The following DENND2C variants were observed in gnomAD, a reference collection of about 807,000 sequenced individuals.
DENND2C encodes DENN domain containing 2C.
Under a neutral mutation model 112.4 loss-of-function variants are expected in DENND2C, and 72 were observed. That is an observed-to-expected ratio of 0.64 (90% CI 0.53 to 0.78). DENND2C has a LOEUF of 0.78. Among genes scored for constraint, DENND2C ranks in the 30% least tolerant of loss-of-function variants. DENND2C has a pLI of 0.00. For synonymous variants in DENND2C, 329 were observed against 381.6 expected (o/e 0.86, Z 1.61); for missense variants, 992 against 1,113.8 (o/e 0.89, Z 1.56).
rs760572118 is a variant in DENND2C at position 114,594,627 on chromosome 1, G to A, written c.2326-49C>T. 28 of 1,473,840 alleles carry A rather than the reference G, an allele frequency of 1.9e-5. No individual in the cohort carries two copies. In the African/African-American group the frequency reaches 3.3e-4, roughly 18 times the overall value. The allele number at this position is 1,473,840 out of a possible 1,614,324, so 91.3% of individuals were successfully genotyped here. A position where few individuals can be genotyped will look rare whatever the true frequency, so the allele number is the denominator to read the frequency against. Reference sequence around the variant, plus strand: ...ATTTTTCTTTGTTTGAGATTTGAGGGATTAAGTCTCAAATATGCCCTAGTT... The same window carrying A: ...ATTTTTCTTTGTTTGAGATTTGAGGAATTAAGTCTCAAATATGCCCTAGTT... On this transcript the variant is annotated intron_variant, in intron 17 of 20. Coordinates refer to ENST00000393274, the MANE Select transcript of DENND2C (RefSeq NM_001256404.2).
Position 114,603,435 on chromosome 1 carries a change from A to AT in DENND2C, c.1668-1242dup, listed in dbSNP as rs1052244617. Among the ~76,000 whole-genome samples, 1,294 of 144,466 alleles carry AT rather than the reference A, an allele frequency of 9.0e-3. 14 individuals carry two copies. Among genetic ancestry groups the AT allele is most frequent in the African/African-American group, 0.024 (939 of 39,648 alleles). 94.8% of individuals were successfully genotyped at this position (144,466 alleles called of 152,430 possible). On this transcript the variant is annotated intron_variant, in intron 11 of 20. Transcript: ENST00000393274. ...GAGCCACAGCACCTGGCCAAGTCCAATTTTTTTTTTTTTTAAGAGACTGGG... is the reference window on the plus strand; with the variant it reads ...GAGCCACAGCACCTGGCCAAGTCCAATTTTTTTTTTTTTTTAAGAGACTGGG...
intron 3 of DENND2C, among the ~76,000 whole-genome samples, chr1:114,636,582 G>T (rs563278990): frequency 6.6e-6 from 1 of 152,206 alleles, no homozygotes; most frequent in South Asian, 2.1e-4. Context: ...GGAATGGGGG[G>T]AGGACTGCTT....
chr1:114,621,810 A>C, intron 7 of DENND2C, 85 bp downstream of exon 7: 1 of 1,500,202 alleles, frequency 6.7e-7, no homozygotes, highest in Non-Finnish European at 9.0e-7. Context: ...CTAACCTATT[A>C]TTCATTTCGG....
chr1:114,629,704 A>C (rs1368025915), intron 3 of DENND2C, among the ~76,000 whole-genome samples: 1 of 152,190 alleles, frequency 6.6e-6, no homozygotes, highest in Non-Finnish European at 1.5e-5. Context: ...TACCAACTGT[A>C]GTTTATCAGC....
In DENND2C at chr1:114,587,850, C is replaced by A. The variant is rs566142081; in HGVS notation, c.2534G>T (p.Arg845Leu). The stretch of plus-strand genomic sequence containing the variant: ...ACGGAATGGTTCCCTTTGGAAAACA[C>A]GCTCCCCACGCTCAGTGACAGTCAT... ...LNMTVTERGE[R>L]VFQREPFRKS... The change falls in exon 19 of 21, where the codon CGT becomes CTT. Residue 845 changes from arginine (R) to leucine (L), a missense_variant. Around this residue, in one of 3 missense-constraint regions of DENND2C, gnomAD observed 516 missense variants for 623.6 expected, o/e 0.83. Transcript: ENST00000393274. 4 of 1,614,062 alleles carry A rather than the reference C, an allele frequency of 2.5e-6. No homozygotes were observed. The highest frequency in any genetic ancestry group is 1.6e-4 in the Middle Eastern group (1 of 6,062).
intron 8 of DENND2C, among the ~76,000 whole-genome samples, chr1:114,618,184 T>C (rs1656052928): frequency 6.6e-6 from 1 of 152,010 alleles, no homozygotes; most frequent in Non-Finnish European, 1.5e-5. Flanking sequence ...GAGACAGGGT[T>C]TCACCGTTTT....
At chr1:114,619,035 CTA>C (rs747720881) in intron 7 of DENND2C, among the ~76,000 whole-genome samples, 52 of 152,138 alleles carry the variant, frequency 3.4e-4, no homozygotes, top group Non-Finnish European at 3.5e-4. Context: ...AATACAAAAA[CTA>C]TGTTTTTTCT....
chr1:114,659,828 C>T (rs917558348), intron 1 of DENND2C, among the ~76,000 whole-genome samples: 7 of 143,360 alleles, frequency 4.9e-5, no homozygotes, highest in African/African-American at 1.8e-4. Flanking sequence ...GTCTTATCCT[C>T]TTGCCCAGGA....
chr1:114,618,580 A>G (rs1656067820), intron 7 of DENND2C, 98 bp from the exon 8 acceptor site: 3 of 625,136 alleles, frequency 4.8e-6, no homozygotes, highest in East Asian at 3.1e-5. Context: ...CAGAGAAAAG[A>G]CCTATTTTAT....
chr1:114,663,816 A>G (rs1182347085), intron 1 of DENND2C, among the ~76,000 whole-genome samples: 1 of 152,234 alleles, frequency 6.6e-6, no homozygotes, highest in East Asian at 1.9e-4. Flanking sequence ...AGCGTTGTCT[A>G]TGGCTGCTTT....
chr1:114,582,982 A>G lies in DENND2C; in HGVS notation c.*2618T>C, dbSNP rs1654940353. The G allele has an allele frequency of 6.6e-6, 1 of 152,276 alleles. No individual in the cohort carries two copies. The highest frequency in any genetic ancestry group is 2.1e-4 in the South Asian group (1 of 4,836). 9.4% of individuals were successfully genotyped at this position (152,276 alleles called of 1,614,324 possible). A position where few individuals can be genotyped will look rare whatever the true frequency, so the allele number is the denominator to read the frequency against. Reference sequence around the variant, plus strand: ...CACAACAGACCTAAGGAAATGAAGCAGCTTCAGGCTGCGAGGATGAAGACA... The same window carrying G: ...CACAACAGACCTAAGGAAATGAAGCGGCTTCAGGCTGCGAGGATGAAGACA... On this transcript the variant is annotated 3_prime_UTR_variant, in exon 21 of 21. Transcript: ENST00000393274.
intron 2 of DENND2C, among the ~76,000 whole-genome samples, chr1:114,647,339 T>A (rs1381284140): frequency 6.6e-6 from 1 of 151,960 alleles, no homozygotes; most frequent in Non-Finnish European, 1.5e-5. Flanking sequence ...CAATTGTGTA[T>A]GTTTATGGAG....
intron 2 of DENND2C, among the ~76,000 whole-genome samples, chr1:114,653,106 C>G (rs898984530): frequency 2.0e-5 from 3 of 151,664 alleles, no homozygotes; most frequent in African/African-American, 7.3e-5. Flanking sequence ...TTTTTAACTT[C>G]ACATTGGTAC....
chr1:114,614,919 C>T (rs1479959454), intron 8 of DENND2C, among the ~76,000 whole-genome samples: 2 of 151,614 alleles, frequency 1.3e-5, no homozygotes, highest in African/African-American at 2.4e-5. Flanking sequence ...GAGGCTGAGG[C>T]AGGAGAATTG....
chr1:114,669,970 C>T lies in DENND2C; in HGVS notation c.-574+13G>A, dbSNP rs1017089335. 1 of 152,604 alleles carries T rather than the reference C, an allele frequency of 6.6e-6. No homozygotes were observed. Among genetic ancestry groups the T allele is most frequent in the African/African-American group, 2.4e-5 (1 of 41,438 alleles). The allele number at this position is 152,604 out of a possible 1,614,324, so 9.5% of individuals were successfully genotyped here. ...CGGCTTAAAACCCCGCGCCGAATCA[C>T]CCCGACTCTTACCTGTCTGTACCTC... is the stretch of plus-strand genomic sequence containing the variant. On this transcript the variant is annotated intron_variant, in intron 1 of 20. Transcript: ENST00000393274.
chr1:114,599,857 TC>T (rs1655444587), intron 15 of DENND2C, among the ~76,000 whole-genome samples: 1 of 151,878 alleles, frequency 6.6e-6, no homozygotes, highest in African/African-American at 2.4e-5. Context: ...GAGAGACTGA[TC>T]CTACATTTCA....
rs1340894819 is a variant in DENND2C at position 114,594,576 on chromosome 1, T to C, written c.2328A>G (p.Val776=). Residue 776 remains valine, a splice_region_variant and synonymous_variant, in exon 18 of 21, where the codon GTA becomes GTG. Transcript: ENST00000393274. The part of the protein sequence containing the change: ...DLCADKFLQE[V]SDEDEILPPK... The stretch of plus-strand genomic sequence containing the variant: ...GTGGTAGAATTTCATCCTCATCAGA[T>C]ACCTTAAGAAGAAAAAAAAATGGAG... 1.2e-5 allele frequency: 19 copies of C among 1,611,662 alleles called. No individual in the cohort carries two copies. The highest frequency in any genetic ancestry group is 1.6e-5 in the Non-Finnish European group (19 of 1,178,956).
At chr1:114,651,944 C>T (rs1268914391) in intron 2 of DENND2C, among the ~76,000 whole-genome samples, 2 of 151,936 alleles carry the variant, frequency 1.3e-5, no homozygotes, top group Non-Finnish European at 2.9e-5. Flanking sequence ...AGGGGTAGCC[C>T]AGCATGGGAT....
rs982938881 is a variant in DENND2C, at chr1:114,623,148, A to G, written c.944-49T>C. ...GTTTACATGAACATAATTAAATGCAAAGATAACCACAGCTGGCAAAAGAAA... is the reference window on the plus strand; with the variant it reads ...GTTTACATGAACATAATTAAATGCAGAGATAACCACAGCTGGCAAAAGAAA... On this transcript the variant is annotated intron_variant, in intron 5 of 20. Coordinates refer to ENST00000393274, the MANE Select transcript of DENND2C (RefSeq NM_001256404.2). 3.3e-6 allele frequency: 5 copies of G among 1,522,154 alleles called. No individual in the cohort carries two copies. In the African/African-American group the frequency reaches 5.6e-5, roughly 17 times the overall value. 94.3% of individuals were successfully genotyped at this position (1,522,154 alleles called of 1,614,324 possible).
Sources: gnomAD v4.1 joint callset for allele counts (sites outside exome capture counted in the v4.1 genomes callset) on GRCh38, gnomAD v4.1.1 for gene constraint, gnomAD v4.1.1 regional missense constraint, MANE v1.5 for transcripts, NCBI Gene and HGNC (gene_info 2026-07-23, HGNC 2026-07-21) for gene names.